The following MARCHF1 variants were observed in gnomAD, a reference collection of about 807,000 sequenced individuals.
MARCHF1 encodes E3 ubiquitin-protein ligase MARCHF1.
MARCHF1 carries 40 observed loss-of-function variants against 54.2 expected under a neutral mutation model. The observed-to-expected ratio is 0.74, with a 90% CI of 0.57 to 0.96. MARCHF1 has a LOEUF of 0.96. MARCHF1 is among the 40% of genes least tolerant of loss of function. MARCHF1 has a pLI of 0.00. For synonymous variants in MARCHF1, 236 were observed against 236.3 expected, an observed-to-expected ratio of 1.00 and a Z score of 0.01; for missense variants, 586 against 656.5, an observed-to-expected ratio of 0.89 and a Z score of 1.17.
At chr4:163,725,844 C>T (rs6536751) in intron 4 of MARCHF1, among the ~76,000 whole-genome samples, 135,228 of 152,226 alleles carry the variant, frequency 0.89, 60,179 homozygotes, top group Non-Finnish European at 0.92. Context: ...AAGTTTTTAG[C>T]CTAACATACA....
chr4:163,858,761 T>C (rs1244850653), intron 3 of MARCHF1, among the ~76,000 whole-genome samples: 2 of 152,210 alleles, frequency 1.3e-5, no homozygotes, highest in Admixed American at 6.5e-5. Context: ...TCACTCACAT[T>C]TGCTGCTGCT....
rs1367533526 is a variant in MARCHF1 at position 163,613,000 on chromosome 4, T to A, written c.281A>T (p.Glu94Val). The change falls in exon 7 of 10, where the codon GAG becomes GTG. Residue 94 changes from glutamate (E) to valine (V), a missense_variant. Physicochemically the swap from Glu to Val is moderately radical, Grantham distance 121. Coordinates refer to ENST00000514618, the MANE Select transcript of MARCHF1 (RefSeq NM_001394959.1). ...CAGCACCATGACAGGGGTGCAATAC[T>A]CAAATGACTCTTCTGACATGTCATG... ...ILHDMSEESF[E>V]YCTPVMVLSP... The A allele has an allele frequency of 3.3e-6, 5 of 1,520,822 alleles. No homozygotes were observed. In the South Asian group the frequency reaches 4.9e-5, roughly 15 times the overall value. The allele number at this position is 1,520,822 out of a possible 1,614,324, so 94.2% of individuals were successfully genotyped here.
chr4:164,247,438 C>T (rs1479453248), intron 1 of MARCHF1, among the ~76,000 whole-genome samples: 1 of 151,322 alleles, frequency 6.6e-6, no homozygotes, highest in Non-Finnish European at 1.5e-5. Flanking sequence ...AGGGGAATAT[C>T]ACACTCTGGT....
At chr4:163,674,059 C>CT (rs1743823008) in intron 5 of MARCHF1, among the ~76,000 whole-genome samples, 1 of 152,192 alleles carries the variant, frequency 6.6e-6, no homozygotes, top group African/African-American at 2.4e-5. Flanking sequence ...CCCTAGTGAT[C>CT]TTTAAAATCC....
chr4:163,721,779 T>A (rs1745470631), intron 4 of MARCHF1, among the ~76,000 whole-genome samples: 1 of 152,134 alleles, frequency 6.6e-6, no homozygotes, highest in African/African-American at 2.4e-5. Flanking sequence ...TGTCCAGGAA[T>A]TTATCCATTT....
intron 2 of MARCHF1, among the ~76,000 whole-genome samples, chr4:164,093,221 A>T (rs1755340694): frequency 6.6e-6 from 1 of 152,130 alleles, no homozygotes; most frequent in Admixed American, 6.6e-5. Context: ...TGGTTTTTAA[A>T]TTACAGTAGA....
chr4:163,827,491 T>C (rs1265905129), intron 4 of MARCHF1, among the ~76,000 whole-genome samples: 1 of 152,182 alleles, frequency 6.6e-6, no homozygotes, highest in Non-Finnish European at 1.5e-5. Context: ...TCTGAATAAA[T>C]GTGTTTCACA....
intron 5 of MARCHF1, among the ~76,000 whole-genome samples, chr4:163,637,308 C>T (rs1283680427): frequency 2.6e-5 from 4 of 152,000 alleles, no homozygotes; most frequent in African/African-American, 7.3e-5. Flanking sequence ...AGTGAACAGG[C>T]AAGCTACAAA....
chr4:164,343,707 A>G (rs1279466415), intron 1 of MARCHF1, among the ~76,000 whole-genome samples: 1 of 152,208 alleles, frequency 6.6e-6, no homozygotes, highest in Non-Finnish European at 1.5e-5. Flanking sequence ...AATGGCTATT[A>G]TTAAAAAGTC....
At chr4:164,034,104 T>TAGACAGAC (rs1553971749) in intron 2 of MARCHF1, among the ~76,000 whole-genome samples, 2 of 141,666 alleles carry the variant, frequency 1.4e-5, no homozygotes, top group African/African-American at 2.8e-5. Flanking sequence ...GATAGATAGA[T>TAGACAGAC]AGATAGATAG....
chr4:163,650,993 A>G (rs1742943280), intron 5 of MARCHF1, among the ~76,000 whole-genome samples: 1 of 151,984 alleles, frequency 6.6e-6, no homozygotes, highest in Non-Finnish European at 1.5e-5. Flanking sequence ...CTGAAGTAAA[A>G]AGAGGTGACA....
chr4:163,549,743 T>A (rs1279394488), intron 8 of MARCHF1, among the ~76,000 whole-genome samples: 2 of 152,004 alleles, frequency 1.3e-5, no homozygotes, highest in Non-Finnish European at 2.9e-5. Flanking sequence ...AACTCTATTA[T>A]TCACTTAGAA....
chr4:164,168,263 T>A (rs962649118), intron 1 of MARCHF1, among the ~76,000 whole-genome samples: 1 of 149,990 alleles, frequency 6.7e-6, no homozygotes, highest in Non-Finnish European at 1.5e-5. Flanking sequence ...ATAAAAAAGA[T>A]AAGAGATAGC....
At chr4:164,140,584 C>T (rs1176630889) in intron 1 of MARCHF1, among the ~76,000 whole-genome samples, 2 of 152,118 alleles carry the variant, frequency 1.3e-5, no homozygotes, top group African/African-American at 2.4e-5. Context: ...ATATAAACTC[C>T]TAATTGTAGT....
At chr4:163,609,382 G>A (rs4691095) in intron 7 of MARCHF1, among the ~76,000 whole-genome samples, 139,539 of 152,070 alleles carry the variant, frequency 0.92, 64,127 homozygotes, top group African/African-American at 0.97. Flanking sequence ...TGACTCCTCT[G>A]TCTTAGGCTC....
At chr4:164,046,369 A>G (rs1754244236) in intron 2 of MARCHF1, among the ~76,000 whole-genome samples, 2 of 152,248 alleles carry the variant, frequency 1.3e-5, no homozygotes, top group South Asian at 4.1e-4. Flanking sequence ...GAAACACAAA[A>G]GACTCATGAA....
At chr4:163,877,801 C>T (rs1476815019) in intron 3 of MARCHF1, among the ~76,000 whole-genome samples, 1 of 152,148 alleles carries the variant, frequency 6.6e-6, no homozygotes, top group African/African-American at 2.4e-5. Context: ...GTATATTTTT[C>T]ACAGAGTGGT....
chr4:163,783,305 T>C (rs1036070829), intron 4 of MARCHF1, among the ~76,000 whole-genome samples: 1 of 152,312 alleles, frequency 6.6e-6, no homozygotes, highest in Admixed American at 6.5e-5. Flanking sequence ...AGAGTTTAAA[T>C]TGTAGGCAGC....
chr4:163,811,027 A>C (rs1908290), intron 4 of MARCHF1, among the ~76,000 whole-genome samples: 119,149 of 152,038 alleles, frequency 0.78, 48,046 homozygotes, highest in South Asian at 0.88. Flanking sequence ...GTTTCACTAC[A>C]GTAAAAGGTG....
Sources: gnomAD v4.1 joint callset for allele counts (sites outside exome capture counted in the v4.1 genomes callset) on GRCh38, gnomAD v4.1.1 for gene constraint, MANE v1.5 for transcripts, NCBI Gene and HGNC (gene_info 2026-07-23, HGNC 2026-07-21) for gene names.